Variants in RPS6KB2 observed in about 807,000 individuals in gnomAD.
RPS6KB2 encodes ribosomal protein S6 kinase beta-2.
In RPS6KB2, 51 loss-of-function variants were observed where a neutral mutation model predicts 58.2. That is an observed-to-expected ratio of 0.88 (90% CI 0.70 to 1.11). The LOEUF (loss-of-function observed/expected upper bound fraction) is 1.11, where lower values mean the gene tolerates loss of function less well. Ranked by LOEUF, RPS6KB2 falls within the 50% of genes least tolerant of loss-of-function variation. The pLI is 0.00. For missense variants in RPS6KB2, 671 were observed against 655.8 expected, an observed-to-expected ratio of 1.02 and a Z score of -0.25; for synonymous variants, 293 against 258.6, an observed-to-expected ratio of 1.13 and a Z score of -1.28.
Position 67,434,291 on chromosome 11 carries a change from GGTGGCCA to G in RPS6KB2, c.1047+23_1047+29del, listed in dbSNP as rs759563629. The G allele has an allele frequency of 6.0e-5, 96 of 1,612,908 alleles. No homozygotes were observed. Among genetic ancestry groups the G allele is most frequent in the Non-Finnish European group, 7.8e-5 (92 of 1,179,850 alleles). The stretch of plus-strand genomic sequence containing the variant: ...GCCCTGTCTGGTGAGCAGCAGGGCT[GGTGGCCA>G]GTGGCCGGTGGCGGGTGGCAAGTGG... On this transcript the variant is annotated intron_variant, in intron 12 of 14. Coordinates refer to ENST00000312629, the MANE Select transcript of RPS6KB2 (RefSeq NM_003952.3).
chr11:67,433,179 G>A lies in RPS6KB2; in HGVS notation c.761G>A (p.Ser254Asn), dbSNP rs1367770435. The change falls in exon 9 of 15, where the codon AGC (serine) becomes AAC (asparagine). Residue 254 changes from serine to asparagine, a missense_variant. Transcript: ENST00000312629. ...SGHNRAVDWWSLGALMYDMLT... is the reference protein window; with the variant it reads ...SGHNRAVDWWNLGALMYDMLT... ...CACAACCGGGCTGTGGACTGGTGGA[G>A]CCTGGGGGCCCTGATGTACGACATG... 1.2e-6 allele frequency: 2 copies of A among 1,605,438 alleles called. No individual in the cohort carries two copies. Among genetic ancestry groups the A allele is most frequent in the South Asian group, 1.1e-5 (1 of 90,634 alleles).
intron 10 of RPS6KB2, 82 bp from the exon 11 acceptor site, chr11:67,433,913 C>A: frequency 6.8e-7 from 1 of 1,476,896 alleles, no homozygotes; most frequent in South Asian, 1.1e-5. Flanking sequence ...TGTCACCTGA[C>A]CCCTACTCCA....
At position 67,434,402 on chromosome 11, in the gene RPS6KB2, T is replaced by C. The variant is rs1439260650; in HGVS notation, c.1073T>C (p.Phe358Ser). 1 of 1,613,332 alleles carries C rather than the reference T, an allele frequency of 6.2e-7. No individual in the cohort carries two copies. The highest frequency in any genetic ancestry group is 1.3e-5 in the African/African-American group (1 of 75,052). Residue 358 changes from phenylalanine to serine, a missense_variant, in exon 13 of 15, where the codon TTT becomes TCT. Transcript: ENST00000312629. ...CLQSEEDVSQ[F>S]DTRFTRQTPV... The stretch of plus-strand genomic sequence containing the variant: ...CAGTCAGAGGAGGACGTGAGCCAGT[T>C]TGATACCCGCTTCACACGGCAGACG...
At chr11:67,433,906 C>T in intron 10 of RPS6KB2, 89 bp from the exon 11 acceptor site, 1 of 1,436,046 alleles carries the variant, frequency 7.0e-7, no homozygotes, top group Non-Finnish European at 9.7e-7. Context: ...TCTCCCATGT[C>T]ACCTGACCCC....
At position 67,434,023 on chromosome 11, in the gene RPS6KB2, T is replaced by C. The variant is rs750042369; in HGVS notation, c.935T>C (p.Ile312Thr). ...KFLKRNPSQRIGGGPGDAADV... is the reference protein window; with the variant it reads ...KFLKRNPSQRTGGGPGDAADV... ...CTGAAACGGAATCCCAGCCAGCGGATTGGGGGTGGCCCAGGGGATGCTGCT... is the reference window on the plus strand; with the variant it reads ...CTGAAACGGAATCCCAGCCAGCGGACTGGGGGTGGCCCAGGGGATGCTGCT... The change falls in exon 11 of 15, where the codon ATT becomes ACT. Residue 312 changes from isoleucine to threonine, a missense_variant. Coordinates refer to ENST00000312629, the MANE Select transcript of RPS6KB2 (RefSeq NM_003952.3). 11 of 1,614,036 alleles carry C rather than the reference T, an allele frequency of 6.8e-6. No homozygotes were observed. Among genetic ancestry groups the C allele is most frequent in the African/African-American group, 6.7e-5 (5 of 74,930 alleles).
Position 67,431,951 on chromosome 11 carries a change from G to A in RPS6KB2, c.457+436G>A, listed in dbSNP as rs577520302. 6 of 269,876 alleles carry A rather than the reference G, an allele frequency of 2.2e-5. No homozygotes were observed. In the South Asian group the frequency reaches 2.3e-4, roughly 10 times the overall value. The allele number at this position is 269,876 out of a possible 1,614,324, so 16.7% of individuals were successfully genotyped here. On this transcript the variant is annotated intron_variant, in intron 5 of 14. Coordinates refer to ENST00000312629, the MANE Select transcript of RPS6KB2 (RefSeq NM_003952.3). Reference sequence around the variant, plus strand: ...AGAGCACTTTTCTAACTGGGCTGAGGCCTCCCGCTCACCTGCTTTCTAGTG... The same window carrying A: ...AGAGCACTTTTCTAACTGGGCTGAGACCTCCCGCTCACCTGCTTTCTAGTG...
chr11:67,431,978 C>T (rs1317697878), intron 5 of RPS6KB2: 1 of 276,458 alleles, frequency 3.6e-6, no homozygotes, highest in African/African-American at 2.2e-5. Context: ...TTTCTAGTGT[C>T]TCCTCTGCCG....
At chr11:67,432,507 A>C (rs1864060281) in intron 5 of RPS6KB2, 93 bp from the exon 6 acceptor site, 1 of 1,375,128 alleles carries the variant, frequency 7.3e-7, no homozygotes, top group African/African-American at 1.4e-5. Context: ...GGCGGGAATT[A>C]TGAGCCCCTC....
rs1325632779 is a variant in RPS6KB2 at position 67,433,129 on chromosome 11, C to T, written c.711C>T (p.Ala237=). The T allele has an allele frequency of 6.2e-7, 1 of 1,604,318 alleles. No homozygotes were observed. The highest frequency in any genetic ancestry group is 8.5e-7 in the Non-Finnish European group (1 of 1,176,334). ...GACAGTTCCACCTGGACCCCAGGGC[C>T]CCTGAGATTCTGGTGCGCAGTGGCC... The part of the protein sequence containing the change: ...HTFCGTIEYM[A]PEILVRSGHN... Residue 237 remains alanine, a synonymous_variant, in exon 9 of 15, where the codon GCC becomes GCT. Coordinates refer to ENST00000312629, the MANE Select transcript of RPS6KB2 (RefSeq NM_003952.3).
rs1336451521 is a variant in RPS6KB2 at position 67,429,531 on chromosome 11, TC to T, written c.247del (p.Gln83ArgfsTer16). On this transcript the variant is annotated frameshift_variant, in exon 4 of 15. Transcript: ENST00000312629. LOFTEE classifies it high-confidence loss of function. ...VLGKGGYGKV[F>X]QVRKVQGTNL... is the part of the protein sequence containing the mutation. The stretch of plus-strand genomic sequence containing the variant: ...CCTGTCTCCCCTGCCCTACAGGTGT[TC>T]CAGGTGCGAAAGGTGCAAGGCACCA... 2 of 1,613,008 alleles carry T rather than the reference TC, an allele frequency of 1.2e-6. No homozygotes were observed. Among genetic ancestry groups the T allele is most frequent in the Middle Eastern group, 1.7e-4 (1 of 5,918 alleles).
intron 5 of RPS6KB2, 107 bp from the exon 6 acceptor site, chr11:67,432,493 G>A: frequency 8.4e-7 from 1 of 1,191,262 alleles, no homozygotes; most frequent in Non-Finnish European, 1.2e-6. Context: ...TGTGAGGCAG[G>A]TAGGGCGGGA....
chr11:67,432,980 C>G lies in RPS6KB2; in HGVS notation c.645C>G (p.Leu215=). 1.2e-6 allele frequency: 2 copies of G among 1,613,458 alleles called. No homozygotes were observed. Among genetic ancestry groups the G allele is most frequent in the South Asian group, 1.1e-5 (1 of 91,086 alleles). ...QGHIKLTDFG[L]CKESIHEGAV... ...ACATCAAACTGACCGACTTTGGACTCTGCAAGGAGTCTATCCATGAGGGCG... is the reference window on the plus strand; with the variant it reads ...ACATCAAACTGACCGACTTTGGACTGTGCAAGGAGTCTATCCATGAGGGCG... Residue 215 remains leucine (L), a synonymous_variant, in exon 8 of 15, where the codon CTC becomes CTG. Coordinates refer to ENST00000312629, the MANE Select transcript of RPS6KB2 (RefSeq NM_003952.3).
Position 67,429,318 on chromosome 11 carries a change from C to G in RPS6KB2, c.240+78C>G, listed in dbSNP as rs1863949137. 5 of 1,577,268 alleles carry G rather than the reference C, an allele frequency of 3.2e-6. No individual in the cohort carries two copies. In the East Asian group the frequency reaches 9.0e-5, roughly 28 times the overall value. On this transcript the variant is annotated intron_variant, in intron 3 of 14. Transcript: ENST00000312629. ...CAAAGGGTTCTCAAAACAAATTAGA[C>G]TTGTGAATCAGCAGGGCCTCTAATG...
Position 67,429,251 on chromosome 11 carries a change from G to C in RPS6KB2, c.240+11G>C, listed in dbSNP as rs368777814. On this transcript the variant is annotated intron_variant, in intron 3 of 14. Coordinates refer to ENST00000312629, the MANE Select transcript of RPS6KB2 (RefSeq NM_003952.3). Reference sequence around the variant, plus strand: ...GGGGGCTATGGCAAGGTAGGGGCGGGCGCACCCTCCTCCTGGCCTCACAGC... The same window carrying C: ...GGGGGCTATGGCAAGGTAGGGGCGGCCGCACCCTCCTCCTGGCCTCACAGC... The C allele has an allele frequency of 1.2e-6, 2 of 1,611,854 alleles. No individual in the cohort carries two copies. Among genetic ancestry groups the C allele is most frequent in the Non-Finnish European group, 1.7e-6 (2 of 1,179,940 alleles).
chr11:67,434,935 G>A (rs1864213476), intron 14 of RPS6KB2, 54 bp from the exon 15 acceptor site: 3 of 1,518,932 alleles, frequency 2.0e-6, no homozygotes, highest in African/African-American at 1.4e-5. Flanking sequence ...CTGAGTGCTG[G>A]GAGCCTCTGG....
At position 67,434,367 on chromosome 11, in the gene RPS6KB2, C is replaced by T. The variant is rs775272008; in HGVS notation, c.1048-10C>T. The T allele has an allele frequency of 1.6e-5, 26 of 1,611,738 alleles. 1 individual carries two copies. The Middle Eastern group carries it at 5.0e-4, about 31-fold the overall frequency. On this transcript the variant is annotated splice_polypyrimidine_tract_variant and intron_variant, in intron 12 of 14. Coordinates refer to ENST00000312629, the MANE Select transcript of RPS6KB2 (RefSeq NM_003952.3). ...CCCTCTGACCCCTCCCCACTCTGGT[C>T]GGCCCACAGCAGTCAGAGGAGGACG...
rs762552943 is a variant in RPS6KB2, at chr11:67,431,332, G to T, written c.310-36G>T. On this transcript the variant is annotated intron_variant, in intron 4 of 14. Transcript: ENST00000312629. ...GGTGTGAGCCACTGTGCCCAGCCTGGATGCCTCAGTTTCTAACCAATTCCT... is the reference window on the plus strand; with the variant it reads ...GGTGTGAGCCACTGTGCCCAGCCTGTATGCCTCAGTTTCTAACCAATTCCT... 4 of 1,606,878 alleles carry T rather than the reference G, an allele frequency of 2.5e-6. No individual in the cohort carries two copies. In the East Asian group the frequency reaches 8.9e-5, roughly 36 times the overall value.
intron 14 of RPS6KB2, 48 bp downstream of exon 14, chr11:67,434,742 G>C: frequency 7.0e-7 from 1 of 1,428,212 alleles, no homozygotes; most frequent in Non-Finnish European, 9.6e-7. Flanking sequence ...ACGCTGGCAG[G>C]CAGGATGCCA....
chr11:67,434,160 T>C (rs1363016713), intron 11 of RPS6KB2, 38 bp from the exon 12 acceptor site: 1 of 1,611,764 alleles, frequency 6.2e-7, no homozygotes, highest in Non-Finnish European at 8.5e-7. Flanking sequence ...GCAAGCAGGG[T>C]GAGCTGTTAG....
Sources: allele counts gnomAD v4.1 joint callset, GRCh38; gene constraint gnomAD v4.1.1; transcripts MANE v1.5; gene names NCBI Gene and HGNC (gene_info 2026-07-23, HGNC 2026-07-21).